HHIPL1: variants seen among roughly 807,000 people sequenced by gnomAD.
HHIPL1 encodes the protein HHIP like 1.
A neutral mutation model predicts 61.8 loss-of-function variants in HHIPL1; 43 were observed. The ratio of observed to expected loss-of-function variants is 0.70; its 90% CI spans 0.55 to 0.90. The LOEUF (loss-of-function observed/expected upper bound fraction) is 0.90, where lower values mean the gene tolerates loss of function less well. Among genes scored for constraint, HHIPL1 ranks in the 40% least tolerant of loss-of-function variants. HHIPL1 has a pLI of 0.00. For missense variants in HHIPL1, 1,056 were observed against 1,157.7 expected (o/e 0.91, Z 1.28); for synonymous variants, 482 against 515.8 (o/e 0.93, Z 0.89).
the HHIPL1 span, among the ~76,000 whole-genome samples, chr14:99,618,740 G>A: frequency 1.3e-5 from 2 of 152,256 alleles, no homozygotes; most frequent in African/African-American, 4.8e-5. Flanking sequence ...CCCTCCCAAT[G>A]CCTAGGCCGG....
In HHIPL1 at chr14:99,679,462, T is replaced by C; in HGVS notation, c.*3836T>C. The C allele has an allele frequency of 6.6e-6, 1 of 152,548 alleles. No homozygotes were observed. The highest frequency in any genetic ancestry group is 1.5e-5 in the Non-Finnish European group (1 of 68,214). 9.4% of individuals were successfully genotyped at this position (152,548 alleles called of 1,614,324 possible). ...TGCCACACAGCTTAGTGCTGGAGCC[T>C]CAGGGTCAATGCTGCAGGGGTGGCC... On this transcript the variant is annotated 3_prime_UTR_variant, in exon 9 of 9. Coordinates refer to ENST00000330710, the MANE Select transcript of HHIPL1 (RefSeq NM_001127258.3).
upstream of HHIPL1, among the ~76,000 whole-genome samples, chr14:99,642,635 C>T (rs923134036): frequency 2.0e-5 from 3 of 152,002 alleles, no homozygotes; most frequent in African/African-American, 7.2e-5. Flanking sequence ...ACGCCATTCT[C>T]CTGCCTCGGC....
Position 99,652,646 on chromosome 14 carries a change from G to A in HHIPL1, c.678G>A (p.Ser226=), listed in dbSNP as rs765042583. The part of the protein sequence containing the change: ...GLVWAYLPDR[S]RLGKPFLNIS... ...TGTGGGCCTACCTGCCCGACCGCTCGAGGCTGGGGAAGCCTTTCCTGAACA... is the reference window on the plus strand; with the variant it reads ...TGTGGGCCTACCTGCCCGACCGCTCAAGGCTGGGGAAGCCTTTCCTGAACA... Residue 226 remains serine, a synonymous_variant, in exon 2 of 9, where the codon TCG becomes TCA. Coordinates refer to ENST00000330710, the MANE Select transcript of HHIPL1 (RefSeq NM_001127258.3). The A allele has an allele frequency of 1.5e-5, 24 of 1,613,492 alleles. No individual in the cohort carries two copies. The East Asian group carries it at 3.3e-4, about 22-fold the overall frequency.
intron 6 of HHIPL1, among the ~76,000 whole-genome samples, chr14:99,667,444 C>T (rs912713459): frequency 1.3e-5 from 2 of 152,064 alleles, no homozygotes; most frequent in African/African-American, 4.8e-5. Flanking sequence ...ACCCACGTTC[C>T]CTGAGACAGT....
At chr14:99,657,287 C>T (rs1432518233) in intron 3 of HHIPL1, 144 bp downstream of exon 3, 7 of 949,990 alleles carry the variant, frequency 7.4e-6, no homozygotes, top group Admixed American at 2.4e-5. Context: ...CTGCAGCTAG[C>T]TGGGCAGCCT....
chr14:99,638,204 C>G, the HHIPL1 span, among the ~76,000 whole-genome samples: 2 of 152,188 alleles, frequency 1.3e-5, no homozygotes, highest in African/African-American at 4.8e-5. Context: ...AGCAATGGCT[C>G]ACTCACTCCC....
chr14:99,643,273 C>G (rs1056394546), upstream of HHIPL1, among the ~76,000 whole-genome samples: 3 of 151,446 alleles, frequency 2.0e-5, no homozygotes, highest in Admixed American at 2.0e-4. Context: ...CTCCTGACCT[C>G]GGGTGATCCG....
At chr14:99,621,890 T>C in the HHIPL1 span, among the ~76,000 whole-genome samples, 1 of 151,904 alleles carries the variant, frequency 6.6e-6, no homozygotes, top group South Asian at 2.1e-4. Flanking sequence ...TAATTTTTTG[T>C]ATTTTTAGCA....
chr14:99,655,956 G>A (rs1288355602), intron 2 of HHIPL1, among the ~76,000 whole-genome samples: 1 of 152,216 alleles, frequency 6.6e-6, no homozygotes, highest in African/African-American at 2.4e-5. Context: ...CGGAGGCAGG[G>A]CTAGAAGCCA....
At chr14:99,651,983 AGCTGCTGCTGTT>A (rs1448914905) in intron 1 of HHIPL1, among the ~76,000 whole-genome samples, 1 of 152,166 alleles carries the variant, frequency 6.6e-6, no homozygotes, top group African/African-American at 2.4e-5. Flanking sequence ...GCTCCAGAGT[AGCTGCTGCTGTT>A]GCTGCTGCTA....
chr14:99,646,076 CTG>C (rs2055829110), intron 1 of HHIPL1, among the ~76,000 whole-genome samples: 1 of 152,270 alleles, frequency 6.6e-6, no homozygotes, highest in Admixed American at 6.5e-5. Flanking sequence ...TCTCTCAAGA[CTG>C]AGCGACAGCT....
In HHIPL1 at chr14:99,660,752, G is replaced by A. The variant is rs1456490157; in HGVS notation, c.1502+346G>A. ...TCTGATGGGCAGGAGGGCAGAATAT[G>A]AACAATTTCCTGGACACTCAGGGCC... On this transcript the variant is annotated intron_variant, in intron 5 of 8. Coordinates refer to ENST00000330710, the MANE Select transcript of HHIPL1 (RefSeq NM_001127258.3). The surrounding 1 kb of genome is among the most constrained non-coding windows in gnomAD (Gnocchi z 4.9). Among the ~76,000 whole-genome samples the A allele has an allele frequency of 6.6e-6, 1 of 152,178 alleles. No homozygotes were observed. Among genetic ancestry groups the A allele is most frequent in the Non-Finnish European group, 1.5e-5 (1 of 68,022 alleles).
At chr14:99,608,290 A>G in the HHIPL1 span, among the ~76,000 whole-genome samples, 1 of 152,198 alleles carries the variant, frequency 6.6e-6, no homozygotes, top group Non-Finnish European at 1.5e-5. Flanking sequence ...ATATCTAATA[A>G]TAATGGCAAT....
At chr14:99,671,270 C>T (rs1009829319) in intron 7 of HHIPL1, among the ~76,000 whole-genome samples, 1 of 152,190 alleles carries the variant, frequency 6.6e-6, no homozygotes, top group African/African-American at 2.4e-5. Flanking sequence ...GGGTGGATAT[C>T]CTACCCTTTT....
chr14:99,655,061 G>T (rs550811649), intron 2 of HHIPL1, among the ~76,000 whole-genome samples: 42 of 152,280 alleles, frequency 2.8e-4, no homozygotes, highest in African/African-American at 1.0e-3. Flanking sequence ...GCAGGCTCAG[G>T]GCAGGCCAGG....
the HHIPL1 span, among the ~76,000 whole-genome samples, chr14:99,637,121 AAAG>A: frequency 3.3e-5 from 4 of 121,768 alleles, no homozygotes; most frequent in African/African-American, 1.1e-4. Context: ...GAAAGAAAGA[AAAG>A]AAAGAGAGAG....
At chr14:99,616,469 C>T in the HHIPL1 span, among the ~76,000 whole-genome samples, 3 of 152,068 alleles carry the variant, frequency 2.0e-5, no homozygotes, top group South Asian at 6.2e-4. Context: ...AGGGTAGGGA[C>T]GTAAGTGGCC....
In HHIPL1 at chr14:99,645,154, C is replaced by T; in HGVS notation, c.-54C>T. On this transcript the variant is annotated 5_prime_UTR_variant, in exon 1 of 9. Transcript: ENST00000330710. ...CCCTTCCCTGCCGCCGCGAGCGCCC[C>T]GGGAGGGGACCGGGGCTGCCGTCCC... is the stretch of plus-strand genomic sequence containing the variant. 5.6e-6 allele frequency: 7 copies of T among 1,246,096 alleles called. No homozygotes were observed. Among genetic ancestry groups the T allele is most frequent in the Non-Finnish European group, 6.0e-6 (6 of 995,362 alleles). The allele number at this position is 1,246,096 out of a possible 1,614,324, so 77.2% of individuals were successfully genotyped here.
chr14:99,668,985 ACTGGC>A lies in HHIPL1; in HGVS notation c.1730+683_1730+687del. The stretch of plus-strand genomic sequence containing the variant: ...CCAGGGCCAGGGTGGGGCCCAGGCC[ACTGGC>A]TCCAGAGCCCTGCCCTAACCCCTTG... On this transcript the variant is annotated intron_variant, in intron 7 of 8. Transcript: ENST00000330710. This position sits in a 1 kb window ranked among gnomAD's most constrained non-coding sequence, Gnocchi z 4.7. 2 of 1,567,412 alleles carry A rather than the reference ACTGGC, an allele frequency of 1.3e-6. No individual in the cohort carries two copies. Among genetic ancestry groups the A allele is most frequent in the Non-Finnish European group, 1.7e-6 (2 of 1,155,332 alleles).
Sources: allele counts gnomAD v4.1 joint callset (sites outside exome capture counted in the v4.1 genomes callset), GRCh38; gene constraint gnomAD v4.1.1; non-coding constraint Gnocchi (gnomAD v3.1); transcripts MANE v1.5; gene names NCBI Gene and HGNC (gene_info 2026-07-23, HGNC 2026-07-21).